Variants in FGF7 observed in about 807,000 individuals in gnomAD.
The protein encoded by FGF7 is fibroblast growth factor 7, also known as FGF-7.
Under a neutral mutation model 20.5 loss-of-function variants are expected in FGF7, and 6 were observed. That is an observed-to-expected ratio of 0.29 (90% CI 0.16 to 0.58). The LOEUF (loss-of-function observed/expected upper bound fraction) is 0.58. FGF7 is among the 20% of genes least tolerant of loss of function. The pLI is 0.90. For missense variants in FGF7, 144 were observed against 228.8 expected (o/e 0.63, Z 2.39); for synonymous variants, 64 against 74.7 (o/e 0.86, Z 0.74).
At chr15:49,436,281 T>A (rs1191771858) in intron 2 of FGF7, among the ~76,000 whole-genome samples, 3 of 151,602 alleles carry the variant, frequency 2.0e-5, no homozygotes, top group African/African-American at 7.3e-5. Flanking sequence ...ATTTGAGTAG[T>A]CAGTTAACTT....
At chr15:49,445,650 AATT>A (rs1039976199) in intron 2 of FGF7, among the ~76,000 whole-genome samples, 1 of 151,598 alleles carries the variant, frequency 6.6e-6, no homozygotes, top group Non-Finnish European at 1.5e-5. Flanking sequence ...AAATATGTAC[AATT>A]ATTATGTCAA....
chr15:49,479,613 T>G (rs1211287298), intron 2 of FGF7, among the ~76,000 whole-genome samples: 1 of 135,432 alleles, frequency 7.4e-6, no homozygotes. Context: ...TTTTTTTTTT[T>G]TTTTTTTTTT....
At chr15:49,457,918 A>G (rs1307558567) in intron 2 of FGF7, among the ~76,000 whole-genome samples, 1 of 151,956 alleles carries the variant, frequency 6.6e-6, no homozygotes, top group East Asian at 1.9e-4. Context: ...TTAAACATTT[A>G]ATTAATGTTA....
chr15:49,474,693 C>T (rs1306138810), intron 2 of FGF7, among the ~76,000 whole-genome samples: 1 of 152,110 alleles, frequency 6.6e-6, no homozygotes, highest in Non-Finnish European at 1.5e-5. Flanking sequence ...AACTAGGCGG[C>T]AGAGCAGGAG....
chr15:49,439,179 G>A (rs547900518), intron 2 of FGF7, among the ~76,000 whole-genome samples: 239 of 151,674 alleles, frequency 1.6e-3, no homozygotes, highest in African/African-American at 5.5e-3. Context: ...CTGTTGGCCG[G>A]CAACTTCCTC....
intron 2 of FGF7, among the ~76,000 whole-genome samples, chr15:49,437,106 G>A (rs1036512185): frequency 4.0e-5 from 6 of 151,372 alleles, no homozygotes; most frequent in African/African-American, 9.7e-5. Flanking sequence ...TTATACTTCT[G>A]TTCTTTAGGG....
At chr15:49,448,745 TGATAA>T (rs1402311736) in intron 2 of FGF7, among the ~76,000 whole-genome samples, 1 of 151,780 alleles carries the variant, frequency 6.6e-6, no homozygotes, top group Non-Finnish European at 1.5e-5. Flanking sequence ...AGTCACACTC[TGATAA>T]GATAAGGAAG....
At chr15:49,437,704 C>T (rs567497178) in intron 2 of FGF7, among the ~76,000 whole-genome samples, 112 of 151,748 alleles carry the variant, frequency 7.4e-4, no homozygotes, top group Admixed American at 1.2e-3. Flanking sequence ...CTATTTATTG[C>T]AATATTTACT....
intron 2 of FGF7, among the ~76,000 whole-genome samples, chr15:49,443,568 T>A (rs190968071): frequency 3.3e-5 from 5 of 151,710 alleles, no homozygotes; most frequent in African/African-American, 9.7e-5. Flanking sequence ...TCATTGTGAA[T>A]AGAACAAAAA....
chr15:49,470,598 A>C (rs1299113482), intron 2 of FGF7, among the ~76,000 whole-genome samples: 2 of 152,214 alleles, frequency 1.3e-5, no homozygotes, highest in Non-Finnish European at 2.9e-5. Context: ...CCTGTGTTTG[A>C]AATGATATTT....
intron 2 of FGF7, among the ~76,000 whole-genome samples, chr15:49,469,622 GTATT>G (rs1315208590): frequency 1.3e-5 from 2 of 151,994 alleles, no homozygotes; most frequent in Non-Finnish European, 2.9e-5. Flanking sequence ...ATTCAATAAA[GTATT>G]TACTTAAATT....
At chr15:49,456,429 A>G (rs2053295926) in intron 2 of FGF7, among the ~76,000 whole-genome samples, 1 of 152,178 alleles carries the variant, frequency 6.6e-6, no homozygotes, top group South Asian at 2.1e-4. Flanking sequence ...GGTTAATGTA[A>G]AATGTAATGC....
At chr15:49,428,047 C>T (rs1157816413) in intron 2 of FGF7, among the ~76,000 whole-genome samples, 1 of 151,644 alleles carries the variant, frequency 6.6e-6, no homozygotes, top group Non-Finnish European at 1.5e-5. Flanking sequence ...TCAAGGAACC[C>T]AACGGAAATA....
intron 2 of FGF7, among the ~76,000 whole-genome samples, chr15:49,441,967 G>A (rs1567282288): frequency 6.6e-6 from 1 of 151,324 alleles, no homozygotes; most frequent in Non-Finnish European, 1.5e-5. Context: ...TGTCTGGCTA[G>A]AGCTCCTTGA....
chr15:49,423,724 T>C (rs2049884465), intron 1 of FGF7, among the ~76,000 whole-genome samples: 1 of 152,156 alleles, frequency 6.6e-6, no homozygotes, highest in South Asian at 2.1e-4. Context: ...TACACTTTGT[T>C]AGCAGTAATT....
At chr15:49,458,176 G>A (rs1336447134) in intron 2 of FGF7, among the ~76,000 whole-genome samples, 1 of 151,648 alleles carries the variant, frequency 6.6e-6, no homozygotes, top group South Asian at 2.1e-4. Context: ...GATATGAGTA[G>A]GATCTTAGAG....
rs56097665 is a variant in FGF7 at position 49,479,599 on chromosome 15, G to GTTTTTTTTTTTT, written c.287-3534_287-3523dup. Among the ~76,000 whole-genome samples the GTTTTTTTTTTTT allele has an allele frequency of 2.1e-4, 13 of 63,322 alleles. 3 individuals carry two copies. The highest frequency in any genetic ancestry group is 8.2e-4 in the African/African-American group (13 of 15,942). 41.5% of individuals were successfully genotyped at this position (63,322 alleles called of 152,430 possible). A position where few individuals can be genotyped will look rare whatever the true frequency, so the allele number is the denominator to read the frequency against. ...GTAGGATTTCATAGTTAATACCTCT[G>GTTTTTTTTTTTT]TTTTTTTTTTTTTTTTTTTTTTTTT... is the stretch of plus-strand genomic sequence containing the variant. On this transcript the variant is annotated intron_variant, in intron 2 of 3. Transcript: ENST00000267843.
intron 2 of FGF7, among the ~76,000 whole-genome samples, chr15:49,448,540 A>G (rs866946728): frequency 6.6e-6 from 1 of 151,798 alleles, no homozygotes; most frequent in Non-Finnish European, 1.5e-5. Flanking sequence ...CAAAATTCAC[A>G]GAAAAATGAT....
chr15:49,434,933 A>G (rs572660951), intron 2 of FGF7, among the ~76,000 whole-genome samples: 42 of 151,700 alleles, frequency 2.8e-4, no homozygotes, highest in African/African-American at 9.4e-4. Context: ...TAAAGGCATA[A>G]TTCAATTGGA....
Sources: gnomAD v4.1 joint callset for allele counts (sites outside exome capture counted in the v4.1 genomes callset) on GRCh38, gnomAD v4.1.1 for gene constraint, MANE v1.5 for transcripts, NCBI Gene and HGNC (gene_info 2026-07-23, HGNC 2026-07-21) for gene names.